PTPRD: variants seen among roughly 807,000 people sequenced by gnomAD.
The protein encoded by PTPRD is protein tyrosine phosphatase receptor type D.
A neutral mutation model predicts 214.5 loss-of-function variants in PTPRD; 34 were observed. That is an observed-to-expected ratio of 0.16 (90% CI 0.12 to 0.21). The LOEUF (loss-of-function observed/expected upper bound fraction) is 0.21. Among genes scored for constraint, PTPRD ranks in the 10% least tolerant of loss-of-function variants. PTPRD has a pLI of 1.00. For synonymous variants in PTPRD, 1,128 were observed against 845.7 expected (o/e 1.33, Z -5.79); for missense variants, 2,545 against 2,398.7 (o/e 1.06, Z -1.27).
At chr9:8,482,931 T>G (rs1247571360) in intron 30 of PTPRD, among the ~76,000 whole-genome samples, 1 of 152,254 alleles carries the variant, frequency 6.6e-6, no homozygotes, top group Non-Finnish European at 1.5e-5. Flanking sequence ...TGACCCATTC[T>G]GAATTAGCTG....
intron 35 of PTPRD, among the ~76,000 whole-genome samples, chr9:8,422,068 C>T (rs2094400906): frequency 7.1e-6 from 1 of 140,212 alleles, no homozygotes; most frequent in African/African-American, 2.7e-5. Context: ...ATCATCTGAG[C>T]CTGTGGAGGC....
intron 33 of PTPRD, among the ~76,000 whole-genome samples, chr9:8,454,370 A>C (rs776050741): frequency 5.3e-5 from 8 of 152,170 alleles, no homozygotes; most frequent in African/African-American, 7.2e-5. Context: ...TTCGCCTTTA[A>C]TCTGTTTTTT....
chr9:10,380,875 G>C (rs1441801440), intron 2 of PTPRD, among the ~76,000 whole-genome samples: 1 of 151,912 alleles, frequency 6.6e-6, no homozygotes, highest in Admixed American at 6.6e-5. Flanking sequence ...GCTATGATCA[G>C]AATAGTTTTA....
chr9:8,668,396 G>C (rs1455808231), intron 12 of PTPRD, among the ~76,000 whole-genome samples: 1 of 152,204 alleles, frequency 6.6e-6, no homozygotes, highest in Non-Finnish European at 1.5e-5. Flanking sequence ...ATTACATGCA[G>C]ATAGATACAT....
At chr9:8,808,198 A>G (rs1421553949) in intron 11 of PTPRD, among the ~76,000 whole-genome samples, 8 of 152,176 alleles carry the variant, frequency 5.3e-5, no homozygotes, top group African/African-American at 1.9e-4. Flanking sequence ...ACATGAGTCA[A>G]GGATGCCACC....
At chr9:9,767,747 A>G (rs910730057) in intron 5 of PTPRD, among the ~76,000 whole-genome samples, 1 of 152,128 alleles carries the variant, frequency 6.6e-6, no homozygotes, top group African/African-American at 2.4e-5. Context: ...GCTATGAATG[A>G]AAAATAACAC....
intron 11 of PTPRD, among the ~76,000 whole-genome samples, chr9:8,833,974 G>A (rs1347307389): frequency 1.4e-5 from 2 of 146,998 alleles, no homozygotes; most frequent in Non-Finnish European, 3.0e-5. Flanking sequence ...TCACCTAACA[G>A]GTAGACATTT....
chr9:9,734,403 A>C (rs891420498), intron 7 of PTPRD, 130 bp downstream of exon 7: 6 of 152,062 alleles, frequency 3.9e-5, no homozygotes, highest in Non-Finnish European at 7.4e-5. Context: ...AACTCAGAAG[A>C]TGGAAATGAG....
At chr9:10,526,979 A>T (rs1475060695) in intron 2 of PTPRD, among the ~76,000 whole-genome samples, 1 of 152,124 alleles carries the variant, frequency 6.6e-6, no homozygotes, top group Non-Finnish European at 1.5e-5. Context: ...TCTAACTACT[A>T]TTCTTATTCC....
chr9:9,674,698 A>G (rs761293161), intron 7 of PTPRD, among the ~76,000 whole-genome samples: 11 of 151,884 alleles, frequency 7.2e-5, no homozygotes, highest in Non-Finnish European at 1.5e-4. Flanking sequence ...TTTGATAAAA[A>G]GATCGTTAGG....
At chr9:10,157,900 T>A (rs962957118) in intron 3 of PTPRD, among the ~76,000 whole-genome samples, 3 of 152,224 alleles carry the variant, frequency 2.0e-5, no homozygotes, top group African/African-American at 7.2e-5. Context: ...CTTCAAGCTC[T>A]GAGATTCTTC....
intron 5 of PTPRD, among the ~76,000 whole-genome samples, chr9:9,889,544 A>C (rs889873785): frequency 2.0e-5 from 3 of 152,146 alleles, no homozygotes; most frequent in Non-Finnish European, 4.4e-5. Flanking sequence ...CAAGCCTCTA[A>C]GTTGGTGCTT....
At chr9:10,110,291 T>C (rs2154231206) in intron 3 of PTPRD, among the ~76,000 whole-genome samples, 1 of 152,248 alleles carries the variant, frequency 6.6e-6, no homozygotes, top group Middle Eastern at 3.4e-3. Context: ...TTCTCTACCA[T>C]CTCCCTGTGA....
At chr9:8,390,315 C>T (rs2089016747) in intron 36 of PTPRD, among the ~76,000 whole-genome samples, 2 of 152,144 alleles carry the variant, frequency 1.3e-5, no homozygotes, top group African/African-American at 4.8e-5. Flanking sequence ...ATTCCACTCA[C>T]CTCCTTGCCT....
intron 3 of PTPRD, among the ~76,000 whole-genome samples, chr9:10,054,260 T>C (rs544448391): frequency 1.8e-4 from 28 of 152,310 alleles, no homozygotes; most frequent in Admixed American, 1.2e-3. Flanking sequence ...ATACTATTTG[T>C]ATTTATAATA....
At chr9:10,476,150 A>G (rs2099061112) in intron 2 of PTPRD, among the ~76,000 whole-genome samples, 1 of 152,142 alleles carries the variant, frequency 6.6e-6, no homozygotes, top group African/African-American at 2.4e-5. Context: ...GAGGCAGGAG[A>G]AAGAAATAAA....
rs150847532 is a variant in PTPRD at position 10,454,198 on chromosome 9, T to A, written c.-599-113181A>T. Among the ~76,000 whole-genome samples, 22 of 151,700 alleles carry A rather than the reference T, an allele frequency of 1.5e-4. No homozygotes were observed. The East Asian group carries it at 3.3e-3, about 23-fold the overall frequency. The stretch of plus-strand genomic sequence containing the variant: ...GGATACCCAGATTTCCATTTTATCA[T>A]TTCAGCTAGTTATTGTTTAATTACA... On this transcript the variant is annotated intron_variant, in intron 2 of 45. Transcript: ENST00000381196.
At chr9:8,819,879 C>T (rs1012997530) in intron 11 of PTPRD, among the ~76,000 whole-genome samples, 4 of 152,076 alleles carry the variant, frequency 2.6e-5, no homozygotes, top group African/African-American at 9.7e-5. Context: ...TGGGGCTCTC[C>T]TGTGTCTTGT....
chr9:10,456,672 G>C (rs1176414923), intron 2 of PTPRD, among the ~76,000 whole-genome samples: 1 of 151,880 alleles, frequency 6.6e-6, no homozygotes, highest in Non-Finnish European at 1.5e-5. Context: ...CCCAGATTCA[G>C]AGATTCATCT....
Sources: gnomAD v4.1 joint callset for allele counts (sites outside exome capture counted in the v4.1 genomes callset) on GRCh38, gnomAD v4.1.1 for gene constraint, MANE v1.5 for transcripts, NCBI Gene and HGNC (gene_info 2026-07-23, HGNC 2026-07-21) for gene names.